UBE2K: variants seen among roughly 807,000 people sequenced by gnomAD.
The protein encoded by UBE2K is ubiquitin-conjugating enzyme E2 K.
UBE2K carries 6 observed loss-of-function variants against 30.0 expected under a neutral mutation model. The ratio of observed to expected loss-of-function variants is 0.20; its 90% CI spans 0.11 to 0.39. The LOEUF (loss-of-function observed/expected upper bound fraction) is 0.39, where lower values mean the gene tolerates loss of function less well. Ranked by LOEUF, UBE2K falls within the 10% of genes least tolerant of loss-of-function variation. The pLI is 1.00. For missense variants in UBE2K, 61 were observed against 241.6 expected (o/e 0.25, Z 4.96); for synonymous variants, 86 against 83.7 (o/e 1.03, Z -0.15).
At chr4:39,752,628 G>A (rs967335107) in intron 3 of UBE2K, among the ~76,000 whole-genome samples, 22 of 152,122 alleles carry the variant, frequency 1.4e-4, no homozygotes, top group Non-Finnish European at 2.2e-4. Flanking sequence ...GAGCCACTGC[G>A]CCCAGCCACC....
At chr4:39,768,633 C>T (rs992512077) in intron 4 of UBE2K, among the ~76,000 whole-genome samples, 1 of 152,116 alleles carries the variant, frequency 6.6e-6, no homozygotes, top group African/African-American at 2.4e-5. Flanking sequence ...CTTCCTGCCT[C>T]AGCCTCTCAA....
intron 1 of UBE2K, among the ~76,000 whole-genome samples, chr4:39,705,686 GTTGTT>G (rs971998515): frequency 6.6e-6 from 1 of 152,068 alleles, no homozygotes; most frequent in African/African-American, 2.4e-5. Flanking sequence ...CCTTTTTGTT[GTTGTT>G]TTGTTTTGTT....
At chr4:39,754,230 C>G (rs1209786856) in intron 3 of UBE2K, among the ~76,000 whole-genome samples, 1 of 152,022 alleles carries the variant, frequency 6.6e-6, no homozygotes, top group African/African-American at 2.4e-5. Context: ...ATGATTGTCT[C>G]CTTTAATGAG....
chr4:39,757,025 G>T (rs11307679), intron 4 of UBE2K, among the ~76,000 whole-genome samples: 32,331 of 68,364 alleles, frequency 0.47, 8,115 homozygotes, highest in East Asian at 0.7. Flanking sequence ...TTTGTTTTTT[G>T]TTTTTTGTTT....
chr4:39,732,856 A>G (rs1445381871), intron 1 of UBE2K, among the ~76,000 whole-genome samples: 2 of 151,670 alleles, frequency 1.3e-5, no homozygotes, highest in Admixed American at 6.6e-5. Context: ...TTGTATTTGT[A>G]GTAGAGACAG....
Position 39,737,173 on chromosome 4 carries a change from G to A in UBE2K, c.64-247G>A, listed in dbSNP as rs543706693. Among the ~76,000 whole-genome samples, 4 of 152,240 alleles carry A rather than the reference G, an allele frequency of 2.6e-5. No individual in the cohort carries two copies. The East Asian group carries it at 7.7e-4, about 29-fold the overall frequency. ...TTTTCCCTAATAACATTCCTAGAAA[G>A]TCAAGAAGCCATTGTATTGTTGTTC... On this transcript the variant is annotated intron_variant, in intron 1 of 6. Transcript: ENST00000261427.
At chr4:39,702,252 T>A in intron 1 of UBE2K, among the ~76,000 whole-genome samples, 1 of 49,714 alleles carries the variant, frequency 2.0e-5, no homozygotes. Flanking sequence ...TTTTTTTTTT[T>A]TTTTTTTTTT....
chr4:39,755,860 A>T (rs1721495006), intron 4 of UBE2K, 121 bp downstream of exon 4: 4 of 683,994 alleles, frequency 5.8e-6, no homozygotes, highest in Admixed American at 3.3e-5. Flanking sequence ...CAGTAACTTT[A>T]AAAGTCTCTT....
At chr4:39,703,074 A>G (rs1472541582) in intron 1 of UBE2K, among the ~76,000 whole-genome samples, 2 of 151,940 alleles carry the variant, frequency 1.3e-5, no homozygotes, top group African/African-American at 2.4e-5. Context: ...GCTCACTGCA[A>G]CCTCCACCTC....
chr4:39,699,676 C>T (rs1717899830), intron 1 of UBE2K, among the ~76,000 whole-genome samples: 4 of 152,116 alleles, frequency 2.6e-5, no homozygotes. Context: ...TTTTCTTTTA[C>T]AGTTAGTACT....
intron 4 of UBE2K, among the ~76,000 whole-genome samples, 159 bp downstream of exon 4, chr4:39,755,898 T>C (rs1721497137): frequency 6.6e-6 from 1 of 152,220 alleles, no homozygotes; most frequent in Admixed American, 6.5e-5. Context: ...TGCATTATAA[T>C]TGAGATCACA....
intron 1 of UBE2K, among the ~76,000 whole-genome samples, chr4:39,713,470 A>G (rs4975036): frequency 0.52 from 79,181 of 150,942 alleles, 21,529 homozygotes; most frequent in Admixed American, 0.65. Context: ...ATTTGTAGGA[A>G]TTCTTTATGT....
At chr4:39,772,687 G>A (rs1712976332) in intron 4 of UBE2K, among the ~76,000 whole-genome samples, 1 of 144,436 alleles carries the variant, frequency 6.9e-6, no homozygotes, top group South Asian at 2.1e-4. Context: ...AATTGATAAA[G>A]CAACTTTTTT....
chr4:39,747,222 T>C (rs1721028104), intron 3 of UBE2K, among the ~76,000 whole-genome samples: 1 of 151,832 alleles, frequency 6.6e-6, no homozygotes, highest in Non-Finnish European at 1.5e-5. Flanking sequence ...AAATTTACCA[T>C]TGTAATCATT....
Position 39,781,624 on chromosome 4 carries a change from G to A in UBE2K, c.*3190G>A. ...GCAAAATAGGAAATTATGAATTTTT[G>A]TTGTTATTGTTTTAAAGATTTAAGA... On this transcript the variant is annotated 3_prime_UTR_variant, in exon 7 of 7. Transcript: ENST00000261427. The A allele has an allele frequency of 3.7e-6, 1 of 270,692 alleles. No homozygotes were observed. The highest frequency in any genetic ancestry group is 1.7e-4 in the South Asian group (1 of 5,862). 16.8% of individuals were successfully genotyped at this position (270,692 alleles called of 1,614,324 possible). A position where few individuals can be genotyped will look rare whatever the true frequency, so the allele number is the denominator to read the frequency against.
chr4:39,729,262 C>T (rs556316764), intron 1 of UBE2K, among the ~76,000 whole-genome samples: 4 of 152,230 alleles, frequency 2.6e-5, no homozygotes, highest in African/African-American at 7.2e-5. Flanking sequence ...TGAGCCATGG[C>T]GCCCGGTCTT....
At chr4:39,711,760 G>C (rs1290501712) in intron 1 of UBE2K, among the ~76,000 whole-genome samples, 1 of 151,870 alleles carries the variant, frequency 6.6e-6, no homozygotes, top group East Asian at 1.9e-4. Context: ...AGTTCTGCCC[G>C]GGAGAGGTGG....
rs1254010995 is a variant in UBE2K, at chr4:39,779,024, G to A, written c.*590G>A. On this transcript the variant is annotated 3_prime_UTR_variant, in exon 7 of 7. Coordinates refer to ENST00000261427, the MANE Select transcript of UBE2K (RefSeq NM_005339.5). ...TTGTCCTTGTCAACAGACTGGGACA[G>A]TGTCTGATTCCCCCTTCACCCCCCC... 2 of 150,430 alleles carry A rather than the reference G, an allele frequency of 1.3e-5. No homozygotes were observed. The highest frequency in any genetic ancestry group is 4.9e-5 in the African/African-American group (2 of 40,844). The allele number at this position is 150,430 out of a possible 1,614,324, so 9.3% of individuals were successfully genotyped here. A position where few individuals can be genotyped will look rare whatever the true frequency, so the allele number is the denominator to read the frequency against.
intron 3 of UBE2K, among the ~76,000 whole-genome samples, chr4:39,748,994 T>G (rs1389799699): frequency 6.6e-6 from 1 of 152,226 alleles, no homozygotes; most frequent in Admixed American, 6.5e-5. Context: ...TGTAAATTTC[T>G]TGCTGAATTG....
Sources: gnomAD v4.1 joint callset for allele counts (sites outside exome capture counted in the v4.1 genomes callset) on GRCh38, gnomAD v4.1.1 for gene constraint, MANE v1.5 for transcripts, NCBI Gene and HGNC (gene_info 2026-07-23, HGNC 2026-07-21) for gene names.